The following ADAMTS18 variants were observed in gnomAD, a reference collection of about 807,000 sequenced individuals.
ADAMTS18 encodes the protein ADAM metallopeptidase with thrombospondin type 1 motif 18.
Under a neutral mutation model 165.9 loss-of-function variants are expected in ADAMTS18, and 157 were observed. The ratio of observed to expected loss-of-function variants is 0.95; its 90% CI spans 0.83 to 1.08. ADAMTS18 has a LOEUF of 1.08. Ranked by LOEUF, ADAMTS18 falls within the 50% of genes least tolerant of loss-of-function variation. ADAMTS18 has a pLI of 0.00. For missense variants in ADAMTS18, 2,040 were observed against 1,534.0 expected (o/e 1.33, Z -5.51); for synonymous variants, 782 against 578.2 (o/e 1.35, Z -5.06).
chr16:77,300,350 C>G lies in ADAMTS18; in HGVS notation c.2587G>C (p.Val863Leu), dbSNP rs757868461. Residue 863 changes from valine to leucine, a missense_variant, in exon 17 of 23, where the codon GTC becomes CTC. Coordinates refer to ENST00000282849, the MANE Select transcript of ADAMTS18 (RefSeq NM_199355.4). ...GTGGCTGGTGGAGTTCCATTCATGA[C>G]CTTGGGAAGTGCATACTTCCAAGCT... is the stretch of plus-strand genomic sequence containing the variant. ...GIAWKYALPK[V>L]MNGTPPATKR... 2 of 1,613,910 alleles carry G rather than the reference C, an allele frequency of 1.2e-6. No individual in the cohort carries two copies. Among genetic ancestry groups the G allele is most frequent in the Non-Finnish European group, 1.7e-6 (2 of 1,179,954 alleles).
intron 10 of ADAMTS18, among the ~76,000 whole-genome samples, chr16:77,346,273 T>C (rs1056864785): frequency 7.2e-5 from 11 of 152,208 alleles, no homozygotes; most frequent in African/African-American, 1.9e-4. Flanking sequence ...GTTTATTGTG[T>C]TTTGTTTTCT....
chr16:77,383,722 T>C (rs149372990), intron 3 of ADAMTS18, among the ~76,000 whole-genome samples: 19 of 152,182 alleles, frequency 1.2e-4, no homozygotes, highest in Non-Finnish European at 2.5e-4. Context: ...TTTGTGACTT[T>C]AGTAGAGATG....
chr16:77,289,951 G>C (rs958992727), intron 21 of ADAMTS18, among the ~76,000 whole-genome samples: 1 of 152,040 alleles, frequency 6.6e-6, no homozygotes. Flanking sequence ...TTCAAAAGTA[G>C]ACAACTCAAC....
chr16:77,325,909 G>A lies in ADAMTS18; in HGVS notation c.1989C>T (p.Phe663=). 4.3e-6 allele frequency: 7 copies of A among 1,613,966 alleles called. No individual in the cohort carries two copies. The highest frequency in any genetic ancestry group is 5.9e-6 in the Non-Finnish European group (7 of 1,179,980). The stretch of plus-strand genomic sequence containing the variant: ...GTTTCCACTGGTAGAACCATCCACG[G>A]AAAGGTTTGCTGTTATATTCTGCAC... The part of the protein sequence containing the change: ...QQCAEYNSKP[F]RGWFYQWKPY... The change falls in exon 13 of 23, where the codon TTC becomes TTT. Residue 663 remains phenylalanine, a synonymous_variant. Coordinates refer to ENST00000282849, the MANE Select transcript of ADAMTS18 (RefSeq NM_199355.4).
intron 3 of ADAMTS18, among the ~76,000 whole-genome samples, chr16:77,425,653 C>T (rs142515814): frequency 2.0e-5 from 3 of 152,300 alleles, no homozygotes; most frequent in Non-Finnish European, 4.4e-5. Context: ...TGTCCAGGTA[C>T]AAGTAAAGTA....
At chr16:77,305,846 C>G (rs975372594) in intron 16 of ADAMTS18, among the ~76,000 whole-genome samples, 1 of 152,170 alleles carries the variant, frequency 6.6e-6, no homozygotes, top group African/African-American at 2.4e-5. Context: ...CTAACTTCCT[C>G]TACGAATGCC....
chr16:77,390,761 C>G (rs550049051), intron 3 of ADAMTS18, among the ~76,000 whole-genome samples: 1 of 152,080 alleles, frequency 6.6e-6, no homozygotes, highest in African/African-American at 2.4e-5. Context: ...CCCTTTACCC[C>G]ACCTGGTCTG....
chr16:77,298,283 A>G (rs527437116), intron 17 of ADAMTS18, among the ~76,000 whole-genome samples: 1 of 152,170 alleles, frequency 6.6e-6, no homozygotes, highest in East Asian at 1.9e-4. Flanking sequence ...ACTTCTTATC[A>G]GGGGCATATA....
At position 77,282,226 on chromosome 16, in the gene ADAMTS18, C is replaced by G. The variant is rs2055159174; in HGVS notation, c.*1730G>C. On this transcript the variant is annotated 3_prime_UTR_variant, in exon 23 of 23. Transcript: ENST00000282849. ...TTTCTCTATAATCCATGGTTTTATT[C>G]AACATTTTATCTCAAAATATTACTT... 6.6e-6 allele frequency: 1 copy of G among 151,812 alleles called. No individual in the cohort carries two copies. The highest frequency in any genetic ancestry group is 1.5e-5 in the Non-Finnish European group (1 of 67,972). The allele number at this position is 151,812 out of a possible 1,614,324, so 9.4% of individuals were successfully genotyped here. A position where few individuals can be genotyped will look rare whatever the true frequency, so the allele number is the denominator to read the frequency against.
chr16:77,311,607 T>A, intron 16 of ADAMTS18, among the ~76,000 whole-genome samples: 1 of 152,112 alleles, frequency 6.6e-6, no homozygotes, highest in Middle Eastern at 3.2e-3. Context: ...TTGATGATGT[T>A]CTCTAGAGAA....
intron 16 of ADAMTS18, among the ~76,000 whole-genome samples, chr16:77,303,979 G>A (rs769954644): frequency 8.5e-5 from 13 of 152,098 alleles, no homozygotes; most frequent in African/African-American, 2.9e-4. Context: ...GCAGTGAGCC[G>A]AGATCACGCA....
intron 6 of ADAMTS18, 102 bp from the exon 7 acceptor site, chr16:77,362,366 A>G: frequency 7.5e-7 from 1 of 1,336,618 alleles, no homozygotes; most frequent in Non-Finnish European, 1.1e-6. Flanking sequence ...ATTTCTAGGG[A>G]AAAAGATCAG....
At chr16:77,370,364 A>AT (rs1399718046) in intron 3 of ADAMTS18, among the ~76,000 whole-genome samples, 1 of 152,208 alleles carries the variant, frequency 6.6e-6, no homozygotes, top group Admixed American at 6.5e-5. Flanking sequence ...AACTATTAGA[A>AT]TAGAGGAACA....
chr16:77,375,651 A>G (rs1374315765), intron 3 of ADAMTS18, among the ~76,000 whole-genome samples: 1 of 152,120 alleles, frequency 6.6e-6, no homozygotes, highest in African/African-American at 2.4e-5. Flanking sequence ...TAAGAAGGAG[A>G]TGGACTGGGG....
intron 10 of ADAMTS18, among the ~76,000 whole-genome samples, chr16:77,349,218 G>C (rs1436891197): frequency 2.6e-5 from 4 of 152,046 alleles, no homozygotes; most frequent in Non-Finnish European, 5.9e-5. Flanking sequence ...AAATAGAAAA[G>C]TCAAGCTGGG....
intron 9 of ADAMTS18, among the ~76,000 whole-genome samples, chr16:77,355,202 TTGTGTGTGTGTGTGTGTGTG>T (rs141620918): frequency 6.8e-6 from 1 of 146,598 alleles, no homozygotes; most frequent in Non-Finnish European, 1.5e-5. Context: ...AAAGGTAGGA[TTGTGTGTGTGTGTGTGTGTG>T]TGTGTGTGTG....
chr16:77,284,552 A>G (rs1017316351), intron 22 of ADAMTS18, among the ~76,000 whole-genome samples: 3 of 151,934 alleles, frequency 2.0e-5, no homozygotes, highest in Non-Finnish European at 4.4e-5. Flanking sequence ...TTCCCATTAA[A>G]CATTGGGACT....
intron 16 of ADAMTS18, among the ~76,000 whole-genome samples, chr16:77,318,129 T>C (rs573582514): frequency 5.9e-5 from 9 of 152,322 alleles, no homozygotes; most frequent in African/African-American, 1.7e-4. Flanking sequence ...ACAATCTTCC[T>C]AATAGTCAGT....
At chr16:77,341,551 T>C (rs1461007232) in intron 11 of ADAMTS18, among the ~76,000 whole-genome samples, 153 bp downstream of exon 11, 1 of 152,224 alleles carries the variant, frequency 6.6e-6, no homozygotes, top group East Asian at 1.9e-4. Context: ...AGCATTAAGC[T>C]TTGTAATTGC....
Sources: allele counts gnomAD v4.1 joint callset (sites outside exome capture counted in the v4.1 genomes callset), GRCh38; gene constraint gnomAD v4.1.1; transcripts MANE v1.5; gene names NCBI Gene and HGNC (gene_info 2026-07-23, HGNC 2026-07-21).